LPP: variants seen among roughly 807,000 people sequenced by gnomAD.
LPP encodes the protein LIM domain containing preferred translocation partner in lipoma, also known as lipoma-preferred partner.
Under a neutral mutation model 60.4 loss-of-function variants are expected in LPP, and 38 were observed. That is an observed-to-expected ratio of 0.63 (90% CI 0.49 to 0.83). The LOEUF (loss-of-function observed/expected upper bound fraction) is 0.83, where lower values mean the gene tolerates loss of function less well. Among genes scored for constraint, LPP ranks in the 40% least tolerant of loss-of-function variants. The pLI, the probability that LPP is intolerant of heterozygous loss-of-function variation, is 0.00. For missense variants in LPP, 902 were observed against 783.6 expected (o/e 1.15, Z -1.80); for synonymous variants, 328 against 290.8 (o/e 1.13, Z -1.30).
chr3:188,530,762 A>G (rs1052030938), intron 6 of LPP, among the ~76,000 whole-genome samples: 2 of 152,216 alleles, frequency 1.3e-5, no homozygotes, highest in Admixed American at 1.3e-4. Context: ...ACAAAGAATT[A>G]GGCATATCAA....
At chr3:188,855,423 A>G (rs958674080) in intron 9 of LPP, among the ~76,000 whole-genome samples, 4 of 152,234 alleles carry the variant, frequency 2.6e-5, no homozygotes, top group Non-Finnish European at 5.9e-5. Context: ...ATGAAGTGAT[A>G]TCATAGTGAT....
At chr3:188,798,804 G>A (rs931662388) in intron 9 of LPP, among the ~76,000 whole-genome samples, 1 of 152,172 alleles carries the variant, frequency 6.6e-6, no homozygotes, top group Admixed American at 6.5e-5. Context: ...AGAGAACAAT[G>A]CTAAGAGAAG....
intron 1 of LPP, among the ~76,000 whole-genome samples, chr3:188,200,245 ATTT>A (rs532406589): frequency 0.01 from 1,447 of 139,830 alleles, 12 homozygotes; most frequent in Middle Eastern, 0.015. Context: ...GGGTTTAAGA[ATTT>A]TTTTTTTTTT....
chr3:188,343,652 G>T (rs1358983106), intron 3 of LPP, among the ~76,000 whole-genome samples: 2 of 152,154 alleles, frequency 1.3e-5, no homozygotes, highest in African/African-American at 2.4e-5. Flanking sequence ...GGAGTTTTAA[G>T]CAAGCCCTGA....
intron 1 of LPP, among the ~76,000 whole-genome samples, chr3:188,156,420 A>G (rs1250727919): frequency 1.3e-5 from 2 of 152,198 alleles, no homozygotes; most frequent in Non-Finnish European, 2.9e-5. Context: ...GAGTTTGGAT[A>G]TATCTTAAAT....
chr3:188,484,058 T>C (rs1368758630), intron 4 of LPP, among the ~76,000 whole-genome samples: 1 of 152,204 alleles, frequency 6.6e-6, no homozygotes, highest in Non-Finnish European at 1.5e-5. Flanking sequence ...CTCTGAACTT[T>C]CTGATCGCCA....
intron 9 of LPP, among the ~76,000 whole-genome samples, chr3:188,858,681 T>C (rs1355498690): frequency 6.6e-6 from 1 of 152,230 alleles, no homozygotes; most frequent in Non-Finnish European, 1.5e-5. Context: ...GGCATATTTC[T>C]CAATTTTAAA....
At chr3:188,325,364 A>G (rs1024788958) in intron 2 of LPP, among the ~76,000 whole-genome samples, 2 of 152,142 alleles carry the variant, frequency 1.3e-5, no homozygotes, top group Non-Finnish European at 2.9e-5. Flanking sequence ...GTATAAGCCA[A>G]GCTTTTTCCC....
At chr3:188,157,557 G>A (rs1716867145) in intron 1 of LPP, among the ~76,000 whole-genome samples, 1 of 152,124 alleles carries the variant, frequency 6.6e-6, no homozygotes, top group Admixed American at 6.6e-5. Flanking sequence ...GAAAATGGCA[G>A]GTAGCAGGTA....
intron 9 of LPP, among the ~76,000 whole-genome samples, chr3:188,865,047 C>T (rs541161389): frequency 6.6e-6 from 1 of 152,344 alleles, no homozygotes; most frequent in African/African-American, 2.4e-5. Context: ...CCCTGAATTT[C>T]CACATCCCAT....
At chr3:188,817,995 A>G (rs1752930088) in intron 9 of LPP, among the ~76,000 whole-genome samples, 1 of 152,212 alleles carries the variant, frequency 6.6e-6, no homozygotes, top group African/African-American at 2.4e-5. Context: ...ATATGTTCAG[A>G]GTGCAAGCAT....
At chr3:188,195,119 C>T (rs546386463) in intron 1 of LPP, among the ~76,000 whole-genome samples, 1 of 152,022 alleles carries the variant, frequency 6.6e-6, no homozygotes, top group African/African-American at 2.4e-5. Flanking sequence ...ATTAGCTGGG[C>T]GTCGTGGCTT....
At chr3:188,345,677 A>T (rs1467536803) in intron 3 of LPP, among the ~76,000 whole-genome samples, 13 of 152,130 alleles carry the variant, frequency 8.5e-5, no homozygotes, top group Non-Finnish European at 1.6e-4. Context: ...CTTCTGCCTT[A>T]TTCTTGTGGG....
intron 6 of LPP, among the ~76,000 whole-genome samples, chr3:188,592,354 TCACACACA>T (rs140003103): frequency 6.7e-6 from 1 of 149,472 alleles, no homozygotes; most frequent in Non-Finnish European, 1.5e-5. Flanking sequence ...ACGCACACAG[TCACACACA>T]CACACATACA....
At chr3:188,185,604 C>G (rs1054391134) in intron 1 of LPP, among the ~76,000 whole-genome samples, 1 of 152,154 alleles carries the variant, frequency 6.6e-6, no homozygotes, top group Non-Finnish European at 1.5e-5. Context: ...CATACCCTGG[C>G]TGACTTTGTG....
At chr3:188,183,436 C>A (rs1725697616) in intron 1 of LPP, among the ~76,000 whole-genome samples, 1 of 152,156 alleles carries the variant, frequency 6.6e-6, no homozygotes, top group South Asian at 2.1e-4. Flanking sequence ...AAGCTTTGTT[C>A]TGATTCTTTT....
intron 1 of LPP, chr3:188,178,566 A>C (rs1317715766): frequency 6.6e-6 from 1 of 152,258 alleles, no homozygotes; most frequent in Non-Finnish European, 1.5e-5. Context: ...AACTTCTAGC[A>C]ATCATTTACC....
chr3:188,433,599 T>TGAGA (rs59204304), intron 4 of LPP, among the ~76,000 whole-genome samples: 3,703 of 137,452 alleles, frequency 0.027, 49 homozygotes, highest in East Asian at 0.064. Context: ...AGACAGAAAG[T>TGAGA]GAGAGAGAGA....
chr3:188,670,110 G>A (rs527295249), intron 7 of LPP, among the ~76,000 whole-genome samples: 11 of 152,134 alleles, frequency 7.2e-5, no homozygotes, highest in Non-Finnish European at 1.6e-4. Flanking sequence ...TTGGGGGTTG[G>A]GGAGAGGAGG....
Sources: allele counts gnomAD v4.1 joint callset (sites outside exome capture counted in the v4.1 genomes callset), GRCh38; gene constraint gnomAD v4.1.1; transcripts MANE v1.5; gene names NCBI Gene and HGNC (gene_info 2026-07-23, HGNC 2026-07-21).